TMEM260: variants seen among roughly 807,000 people sequenced by gnomAD.
TMEM260 encodes the protein transmembrane protein 260.
TMEM260 carries 82 observed loss-of-function variants against 88.9 expected under a neutral mutation model. That is an observed-to-expected ratio of 0.92 (90% CI 0.77 to 1.11). The LOEUF (loss-of-function observed/expected upper bound fraction) is 1.11. Among genes scored for constraint, TMEM260 ranks in the 50% least tolerant of loss-of-function variants. The pLI, the probability that TMEM260 is intolerant of heterozygous loss-of-function variation, is 0.00. For synonymous variants in TMEM260, 314 were observed against 309.3 expected, an observed-to-expected ratio of 1.02 and a Z score of -0.16; for missense variants, 902 against 853.4, an observed-to-expected ratio of 1.06 and a Z score of -0.71.
In TMEM260 at chr14:56,647,354, G is replaced by T; in HGVS notation, c.1981G>T (p.Glu661Ter). 6.2e-7 allele frequency: 1 copy of T among 1,614,208 alleles called. No homozygotes were observed. ...TCTTCAGGCAAGAGATGCAGATCCT[G>T]AAGTGCTGTTATCGGAAACCATCAG... is the stretch of plus-strand genomic sequence containing the variant. The part of the protein sequence containing the change: ...LRLQARDADP[E>*]VLLSETIRHF... The change falls in exon 16 of 16, where the codon GAA (glutamate) becomes TAA (stop). Residue 661 changes from glutamate (E) to a stop codon, truncating the protein, a stop_gained. Coordinates refer to ENST00000261556, the MANE Select transcript of TMEM260 (RefSeq NM_017799.4). LOFTEE classifies it high-confidence loss of function.
At chr14:56,645,211 A>T (rs1370852482) in intron 15 of TMEM260, among the ~76,000 whole-genome samples, 1 of 145,170 alleles carries the variant, frequency 6.9e-6, no homozygotes, top group Non-Finnish European at 1.5e-5. Flanking sequence ...TTATTGCGGC[A>T]CTATTCACAA....
chr14:56,610,087 A>G (rs1166386205), intron 6 of TMEM260, among the ~76,000 whole-genome samples: 2 of 152,172 alleles, frequency 1.3e-5, no homozygotes, highest in Admixed American at 6.5e-5. Context: ...GTAGAACTAT[A>G]TATTTATAAA....
At chr14:56,639,992 G>C (rs561330219) in intron 15 of TMEM260, among the ~76,000 whole-genome samples, 2 of 152,188 alleles carry the variant, frequency 1.3e-5, no homozygotes, top group Non-Finnish European at 2.9e-5. Context: ...TGGGAAGCTC[G>C]AACTGGGTAG....
intron 12 of TMEM260, among the ~76,000 whole-genome samples, chr14:56,631,614 C>CTCTG (rs1491270023): frequency 2.0e-5 from 2 of 102,244 alleles, no homozygotes; most frequent in African/African-American, 7.7e-5. Flanking sequence ...CAAAGCAAGA[C>CTCTG]TCTGTCTCAA....
chr14:56,645,472 A>C (rs1419199390), intron 15 of TMEM260, among the ~76,000 whole-genome samples: 1 of 148,936 alleles, frequency 6.7e-6, no homozygotes, highest in Admixed American at 6.9e-5. Flanking sequence ...GAAGGGGAAC[A>C]TCACACTCGG....
intron 3 of TMEM260, among the ~76,000 whole-genome samples, chr14:56,598,313 C>T (rs373874531): frequency 5.9e-5 from 9 of 152,106 alleles, no homozygotes; most frequent in African/African-American, 1.9e-4. Context: ...GACATCAACT[C>T]GGTAAAGTGT....
At position 56,648,067 on chromosome 14, in the gene TMEM260, T is replaced by A. The variant is rs1027658849; in HGVS notation, c.*570T>A. Reference sequence around the variant, plus strand: ...GTTTGTGTTTTACTGTCTTAGATCGTTCTTGGAAATCACTAAAAAAAAAAA... The same window carrying A: ...GTTTGTGTTTTACTGTCTTAGATCGATCTTGGAAATCACTAAAAAAAAAAA... On this transcript the variant is annotated 3_prime_UTR_variant, in exon 16 of 16. Transcript: ENST00000261556. 1 of 152,140 alleles carries A rather than the reference T, an allele frequency of 6.6e-6. No individual in the cohort carries two copies. Among genetic ancestry groups the A allele is most frequent in the African/African-American group, 2.4e-5 (1 of 41,440 alleles). 9.4% of individuals were successfully genotyped at this position (152,140 alleles called of 1,614,324 possible). A position where few individuals can be genotyped will look rare whatever the true frequency, so the allele number is the denominator to read the frequency against.
intron 15 of TMEM260, among the ~76,000 whole-genome samples, chr14:56,637,124 T>A (rs1889158522): frequency 6.6e-6 from 1 of 152,220 alleles, no homozygotes; most frequent in Non-Finnish European, 1.5e-5. Context: ...CTCTAGAGCC[T>A]CCTGAAGGAA....
chr14:56,622,364 A>AT (rs1278327626), intron 11 of TMEM260, among the ~76,000 whole-genome samples: 2 of 151,424 alleles, frequency 1.3e-5, no homozygotes, highest in Non-Finnish European at 2.9e-5. Flanking sequence ...AAAAAAAAAA[A>AT]ATTGTTATTT....
chr14:56,604,184 C>A (rs192972094), intron 4 of TMEM260, among the ~76,000 whole-genome samples, 192 bp downstream of exon 4: 1 of 151,966 alleles, frequency 6.6e-6, no homozygotes, highest in Non-Finnish European at 1.5e-5. Flanking sequence ...TAAAACATGG[C>A]GCTTTTCTTC....
chr14:56,585,459 C>G (rs973122372), intron 2 of TMEM260, among the ~76,000 whole-genome samples: 4 of 151,934 alleles, frequency 2.6e-5, no homozygotes, highest in Non-Finnish European at 5.9e-5. Flanking sequence ...TTTTCAATAG[C>G]CTTTTAAATG....
chr14:56,607,102 C>G (rs1242527302), intron 5 of TMEM260, among the ~76,000 whole-genome samples: 1 of 152,004 alleles, frequency 6.6e-6, no homozygotes, highest in Non-Finnish European at 1.5e-5. Context: ...TTATATAAAC[C>G]TTGATTAAAA....
the TMEM260 span, among the ~76,000 whole-genome samples, chr14:56,661,035 A>G: frequency 6.6e-6 from 1 of 152,238 alleles, no homozygotes; most frequent in African/African-American, 2.4e-5. Context: ...TGGAGGCGGG[A>G]GTGGGGACAC....
chr14:56,592,244 G>A (rs1566530325), intron 3 of TMEM260, among the ~76,000 whole-genome samples: 3 of 152,164 alleles, frequency 2.0e-5, no homozygotes, highest in Non-Finnish European at 4.4e-5. Flanking sequence ...ATTCATTAAA[G>A]ATGGAAATAT....
rs73277604 is a variant in TMEM260 at position 56,603,748 on chromosome 14, A to G, written c.345-67A>G. The G allele has an allele frequency of 1.7e-3, 2,759 of 1,584,164 alleles. 45 individuals carry two copies. The African/African-American group carries it at 0.033, about 19-fold the overall frequency. ...ATCATAATTTCTGCTGGTACAGTTTACCAAAAGGAAAATAAAGTTAGTTCT... is the reference window on the plus strand; with the variant it reads ...ATCATAATTTCTGCTGGTACAGTTTGCCAAAAGGAAAATAAAGTTAGTTCT... On this transcript the variant is annotated intron_variant, in intron 3 of 15. Transcript: ENST00000261556.
Position 56,579,862 on chromosome 14 carries a change from C to A in TMEM260, c.-53C>A. On this transcript the variant is annotated 5_prime_UTR_variant, in exon 1 of 16. Transcript: ENST00000261556. The stretch of plus-strand genomic sequence containing the variant: ...GTCTCTCGGCTGGGGAGCTCCGTGT[C>A]GCACCGGGTTCTTGGGCTGGCCGTG... 1 of 1,228,664 alleles carries A rather than the reference C, an allele frequency of 8.1e-7. No individual in the cohort carries two copies. The highest frequency in any genetic ancestry group is 4.1e-5 in the South Asian group (1 of 24,242). The allele number at this position is 1,228,664 out of a possible 1,614,324, so 76.1% of individuals were successfully genotyped here. A position where few individuals can be genotyped will look rare whatever the true frequency, so the allele number is the denominator to read the frequency against.
At chr14:56,603,550 C>T (rs1886705556) in intron 3 of TMEM260, among the ~76,000 whole-genome samples, 1 of 152,222 alleles carries the variant, frequency 6.6e-6, no homozygotes, top group South Asian at 2.1e-4. Flanking sequence ...TCTGAACTGG[C>T]GTGAATCCTA....
chr14:56,614,800 A>G (rs1016998996), intron 7 of TMEM260, among the ~76,000 whole-genome samples: 1 of 152,224 alleles, frequency 6.6e-6, no homozygotes, highest in Admixed American at 6.5e-5. Context: ...GAGAATGTCT[A>G]GTCTTTAATA....
chr14:56,605,592 G>A lies in TMEM260; in HGVS notation c.545G>A (p.Cys182Tyr), dbSNP rs779641681. 8 of 1,555,458 alleles carry A rather than the reference G, an allele frequency of 5.1e-6. No individual in the cohort carries two copies. Among genetic ancestry groups the A allele is most frequent in the Non-Finnish European group, 6.1e-6 (7 of 1,152,912 alleles). The change falls in exon 5 of 16, where the codon TGC becomes TAC. Residue 182 changes from cysteine (C) to tyrosine (Y), a missense_variant. Physicochemically the swap from Cys to Tyr is radical, Grantham distance 194 (BLOSUM62 -2). Transcript: ENST00000261556. ...CAGGTAGCTAAAATTGGTGCTTTCT[G>A]CTGTGGCCTTAGTTTATGTAACCAG... Reference protein sequence around the residue: ...RSKVAKIGAFCCGLSLCNQHT... With the variant: ...RSKVAKIGAFYCGLSLCNQHT...
Sources: gnomAD v4.1 joint callset for allele counts (sites outside exome capture counted in the v4.1 genomes callset) on GRCh38, gnomAD v4.1.1 for gene constraint, MANE v1.5 for transcripts, NCBI Gene and HGNC (gene_info 2026-07-23, HGNC 2026-07-21) for gene names.